FANCC: variants seen among roughly 807,000 people sequenced by gnomAD.
FANCC encodes Fanconi anemia group C protein.
Under a neutral mutation model 71.3 loss-of-function variants are expected in FANCC, and 55 were observed. That is an observed-to-expected ratio of 0.77 (90% CI 0.62 to 0.97). The LOEUF (loss-of-function observed/expected upper bound fraction) is 0.97. Ranked by LOEUF, FANCC falls within the 50% of genes least tolerant of loss-of-function variation. The probability of loss-of-function intolerance (pLI) is 0.00; values close to 1 mark genes in which losing one functional copy is unlikely to be tolerated. For synonymous variants in FANCC, 275 were observed against 244.9 expected (o/e 1.12, Z -1.15); for missense variants, 678 against 670.9 (o/e 1.01, Z -0.12).
At chr9:95,313,022 G>A (rs1835504166) in intron 1 of FANCC, among the ~76,000 whole-genome samples, 1 of 152,218 alleles carries the variant, frequency 6.6e-6, no homozygotes, top group Admixed American at 6.5e-5. Flanking sequence ...GGGATGCTGA[G>A]GTACACAGTT....
At chr9:95,280,762 T>C (rs1833339257) in intron 1 of FANCC, among the ~76,000 whole-genome samples, 1 of 152,146 alleles carries the variant, frequency 6.6e-6, no homozygotes, top group Admixed American at 6.5e-5. Flanking sequence ...CTGACAGAAA[T>C]TCAAAATACT....
At chr9:95,218,282 C>G (rs1829002585) in intron 4 of FANCC, among the ~76,000 whole-genome samples, 1 of 152,050 alleles carries the variant, frequency 6.6e-6, no homozygotes, top group Non-Finnish European at 1.5e-5. Flanking sequence ...CTGGGCAACA[C>G]AGGAAAACCT....
At chr9:95,310,267 T>C (rs568449076) in intron 1 of FANCC, among the ~76,000 whole-genome samples, 1 of 151,920 alleles carries the variant, frequency 6.6e-6, no homozygotes, top group Non-Finnish European at 1.5e-5. Flanking sequence ...CTCAGGTGGC[T>C]GAGGTGGCAT....
intron 14 of FANCC, among the ~76,000 whole-genome samples, chr9:95,106,095 G>GA (rs2071426399): frequency 6.6e-6 from 1 of 152,326 alleles, no homozygotes; most frequent in Admixed American, 6.5e-5. Flanking sequence ...GGAAGCATAT[G>GA]AGTGTTCCGG....
intron 1 of FANCC, chr9:95,294,282 G>T: frequency 6.3e-7 from 1 of 1,583,808 alleles, no homozygotes; most frequent in South Asian, 1.1e-5. Context: ...CACATATCCA[G>T]ACTCAAACTG....
intron 4 of FANCC, among the ~76,000 whole-genome samples, chr9:95,197,343 C>T (rs1436636575): frequency 1.3e-5 from 2 of 152,106 alleles, no homozygotes; most frequent in Non-Finnish European, 2.9e-5. Flanking sequence ...TCCAGACCAG[C>T]CTGGGTAACA....
chr9:95,149,941 A>G lies in FANCC; in HGVS notation c.668T>C (p.Val223Ala), dbSNP rs751410815. ...EILQPEFFEAVNEAILLKKIS... is the reference protein window; with the variant it reads ...EILQPEFFEAANEAILLKKIS... ...CACTTACAGCAAAATGGCCTCGTTT[A>G]CAGCCTCAAAGAACTCTGGCTGGAG... is the stretch of plus-strand genomic sequence containing the variant. Residue 223 changes from valine to alanine, a missense_variant, in exon 7 of 15, where the codon GTA (valine) becomes GCA (alanine). Transcript: ENST00000289081. 2.1e-5 allele frequency: 33 copies of G among 1,607,676 alleles called. 1 individual carries two copies. In the Admixed American group the frequency reaches 4.3e-4, roughly 21 times the overall value.
At chr9:95,252,123 A>G (rs1042080673) in intron 1 of FANCC, among the ~76,000 whole-genome samples, 3 of 151,812 alleles carry the variant, frequency 2.0e-5, no homozygotes, top group African/African-American at 7.3e-5. Context: ...ACTGAAAATA[A>G]CAAAAATTAG....
intron 4 of FANCC, among the ~76,000 whole-genome samples, chr9:95,223,696 G>A (rs1390797673): frequency 6.6e-6 from 1 of 152,198 alleles, no homozygotes; most frequent in African/African-American, 2.4e-5. Context: ...ATTACTATTA[G>A]CAGGGTACAG....
intron 1 of FANCC, among the ~76,000 whole-genome samples, chr9:95,263,478 A>ATATG (rs1554861916): frequency 6.1e-5 from 9 of 148,006 alleles, no homozygotes; most frequent in East Asian, 2.0e-4. Context: ...TTATATATAT[A>ATATG]TGTGTGTGTG....
At chr9:95,281,787 G>T (rs1226965461) in intron 1 of FANCC, among the ~76,000 whole-genome samples, 1 of 152,010 alleles carries the variant, frequency 6.6e-6, no homozygotes, top group Admixed American at 6.6e-5. Context: ...CTCAAAATGG[G>T]GGAGTGGAGT....
intron 4 of FANCC, among the ~76,000 whole-genome samples, chr9:95,173,276 C>A (rs989196098): frequency 6.6e-6 from 1 of 152,048 alleles, no homozygotes; most frequent in Non-Finnish European, 1.5e-5. Context: ...GGCACCGAGG[C>A]GCCCAAAGTG....
chr9:95,118,615 A>C (rs1185634626), intron 10 of FANCC, among the ~76,000 whole-genome samples: 4 of 152,222 alleles, frequency 2.6e-5, no homozygotes, highest in Admixed American at 2.6e-4. Context: ...GATTTTGACA[A>C]GAGAGATTAG....
intron 6 of FANCC, among the ~76,000 whole-genome samples, chr9:95,165,504 C>T (rs530990949): frequency 6.6e-6 from 1 of 152,028 alleles, no homozygotes; most frequent in Admixed American, 6.5e-5. Flanking sequence ...TTTCATTTGT[C>T]TCAAGTTATT....
At chr9:95,151,983 G>C (rs1283639482) in intron 6 of FANCC, among the ~76,000 whole-genome samples, 1 of 149,890 alleles carries the variant, frequency 6.7e-6, no homozygotes, top group Non-Finnish European at 1.5e-5. Flanking sequence ...CCTTGCAAAA[G>C]ACCACACCAA....
intron 1 of FANCC, among the ~76,000 whole-genome samples, chr9:95,252,046 G>A (rs1163195651): frequency 3.3e-5 from 5 of 152,062 alleles, no homozygotes; most frequent in African/African-American, 1.2e-4. Context: ...GGGAGGCCGA[G>A]GTGGATAGAT....
intron 8 of FANCC, among the ~76,000 whole-genome samples, chr9:95,134,693 C>T (rs554429499): frequency 1.6e-4 from 24 of 152,362 alleles, no homozygotes; most frequent in African/African-American, 5.3e-4. Context: ...ACAGAGCTGC[C>T]TCCCACAAAG....
chr9:95,311,364 T>C (rs1055512057), intron 1 of FANCC, among the ~76,000 whole-genome samples: 2 of 151,348 alleles, frequency 1.3e-5, no homozygotes, highest in African/African-American at 4.9e-5. Flanking sequence ...TAGCTTTAAG[T>C]AAACAGTAAC....
At chr9:95,293,809 C>A (rs1588429922) in intron 1 of FANCC, 2 of 1,613,750 alleles carry the variant, frequency 1.2e-6, no homozygotes, top group South Asian at 1.1e-5. Flanking sequence ...GGTGGGGTCT[C>A]CTGAGAAACT....
Sources: gnomAD v4.1 joint callset for allele counts (sites outside exome capture counted in the v4.1 genomes callset) on GRCh38, gnomAD v4.1.1 for gene constraint, MANE v1.5 for transcripts, NCBI Gene and HGNC (gene_info 2026-07-23, HGNC 2026-07-21) for gene names.